Variants in PKHD1 observed in about 807,000 individuals in gnomAD.
PKHD1 encodes the protein fibrocystin.
In PKHD1, 291 loss-of-function variants were observed where a neutral mutation model predicts 412.0. The ratio of observed to expected loss-of-function variants is 0.71; its 90% CI spans 0.64 to 0.78. The LOEUF (loss-of-function observed/expected upper bound fraction) is 0.78. PKHD1 is among the 30% of genes least tolerant of loss of function. PKHD1 has a pLI of 0.00. For missense variants in PKHD1, 4,825 were observed against 4,950.7 expected (o/e 0.97, Z 0.76); for synonymous variants, 1,777 against 1,821.5 (o/e 0.98, Z 0.62).
intron 35 of PKHD1, among the ~76,000 whole-genome samples, chr6:52,006,436 G>A (rs892852308): frequency 2.6e-5 from 4 of 152,014 alleles, no homozygotes; most frequent in East Asian, 1.9e-4. Context: ...GAGCACATTC[G>A]CAAAATCCTG....
chr6:51,815,910 T>C (rs1765385604), intron 52 of PKHD1, among the ~76,000 whole-genome samples: 1 of 152,222 alleles, frequency 6.6e-6, no homozygotes, highest in East Asian at 1.9e-4. Context: ...CACTTGGTTG[T>C]TAAATCTTTT....
chr6:51,993,395 CACTTG>C (rs1489588899), intron 35 of PKHD1, among the ~76,000 whole-genome samples: 2 of 152,356 alleles, frequency 1.3e-5, no homozygotes, highest in Admixed American at 1.3e-4. Context: ...AGGTACCGAA[CACTTG>C]AACTTTTACT....
chr6:51,750,787 T>A (rs1296886909), intron 57 of PKHD1, among the ~76,000 whole-genome samples: 1 of 142,094 alleles, frequency 7.0e-6, no homozygotes, highest in Non-Finnish European at 1.5e-5. Context: ...AATTAAGCAA[T>A]TTTTTTTGAG....
intron 66 of PKHD1, among the ~76,000 whole-genome samples, chr6:51,620,672 T>C (rs919409600): frequency 6.6e-6 from 1 of 151,662 alleles, no homozygotes; most frequent in African/African-American, 2.4e-5. Context: ...GAGATAGTAA[T>C]CCTGTCTGAT....
intron 35 of PKHD1, among the ~76,000 whole-genome samples, chr6:51,971,878 G>A (rs1051744868): frequency 6.6e-6 from 1 of 151,990 alleles, no homozygotes; most frequent in African/African-American, 2.4e-5. Context: ...CTACAGGCAT[G>A]CACCACCACA....
At chr6:52,044,640 A>G (rs1805486838) in intron 25 of PKHD1, among the ~76,000 whole-genome samples, 1 of 152,240 alleles carries the variant, frequency 6.6e-6, no homozygotes, top group South Asian at 2.1e-4. Context: ...TTTTAAAGAC[A>G]AAAAGAATGA....
Position 52,024,827 on chromosome 6 carries a change from G to C in PKHD1, c.4983C>G (p.Ile1661Met), listed in dbSNP as rs141853505. 1 of 1,614,208 alleles carries C rather than the reference G, an allele frequency of 6.2e-7. No homozygotes were observed. The highest frequency in any genetic ancestry group is 1.1e-5 in the South Asian group (1 of 91,084). The change falls in exon 32 of 67, where the codon ATC (isoleucine) becomes ATG (methionine). Residue 1661 changes from isoleucine (I) to methionine (M), a missense_variant. Physicochemically the swap from Ile to Met is conservative, Grantham distance 10. Transcript: ENST00000371117. ...GYNKAFTPEL[I>M]SISQSDDILT... ...AGATGTCATCGCTCTGAGAAATAGA[G>C]ATCAATTCTGGGGTAAAGGCCTTGT...
chr6:51,709,943 T>G (rs1450803957), intron 60 of PKHD1, among the ~76,000 whole-genome samples: 1 of 151,608 alleles, frequency 6.6e-6, no homozygotes, highest in African/African-American at 2.4e-5. Context: ...GCACGGTGGC[T>G]CATGCCTGTA....
chr6:51,861,404 C>T (rs1195433066), intron 48 of PKHD1, among the ~76,000 whole-genome samples: 1 of 152,202 alleles, frequency 6.6e-6, no homozygotes, highest in Non-Finnish European at 1.5e-5. Context: ...TCTAAATGCT[C>T]TTGATTTGGA....
chr6:51,671,353 T>G (rs1774938193), intron 60 of PKHD1, among the ~76,000 whole-genome samples: 2 of 152,228 alleles, frequency 1.3e-5, no homozygotes, highest in African/African-American at 4.8e-5. Flanking sequence ...CTCCTGAGGG[T>G]TCCGCATTCT....
chr6:51,771,039 C>T (rs1037382401), intron 55 of PKHD1, among the ~76,000 whole-genome samples: 16 of 152,086 alleles, frequency 1.1e-4, no homozygotes, highest in African/African-American at 3.4e-4. Context: ...CCAGTTCTTC[C>T]GTACTTTACA....
intron 60 of PKHD1, among the ~76,000 whole-genome samples, chr6:51,691,579 C>G (rs1405674000): frequency 2.0e-5 from 3 of 152,122 alleles, no homozygotes; most frequent in Non-Finnish European, 2.9e-5. Context: ...ACTGCATGTT[C>G]TCACTTATAA....
At position 51,753,258 on chromosome 6, in the gene PKHD1, A is replaced by G. The variant is rs770068023; in HGVS notation, c.8893T>C (p.Cys2965Arg). 4 of 1,613,790 alleles carry G rather than the reference A, an allele frequency of 2.5e-6. No individual in the cohort carries two copies. Among genetic ancestry groups the G allele is most frequent in the South Asian group, 2.2e-5 (2 of 91,084 alleles). ...GACCCCACAAACAGTCTCCCCCTAC[A>G]TGATACGTCAGGCTGAATTTGTATA... is the stretch of plus-strand genomic sequence containing the variant. ...RNIQIQPDVSCRGRLFVGSFR... is the reference protein window; with the variant it reads ...RNIQIQPDVSRRGRLFVGSFR... The change falls in exon 57 of 67, where the codon TGT becomes CGT. Residue 2965 changes from cysteine (C) to arginine (R), a missense_variant. Cys to Arg is a radical substitution (Grantham distance 180, BLOSUM62 -3). Coordinates refer to ENST00000371117, the MANE Select transcript of PKHD1 (RefSeq NM_138694.4).
intron 36 of PKHD1, among the ~76,000 whole-genome samples, chr6:51,937,322 C>A (rs948186829): frequency 1.3e-5 from 2 of 152,182 alleles, no homozygotes; most frequent in Non-Finnish European, 2.9e-5. Context: ...ACATATAAAA[C>A]CAAGCTGTAG....
Position 52,035,662 on chromosome 6 carries a change from C to T in PKHD1, c.3157G>A (p.Gly1053Arg), listed in dbSNP as rs1322231013. The change falls in exon 28 of 67, where the codon GGA becomes AGA. Residue 1053 changes from glycine to arginine, a missense_variant. Coordinates refer to ENST00000371117, the MANE Select transcript of PKHD1 (RefSeq NM_138694.4). ...SLEGVSLILF[G>R]SYSCAINVAT... ...ACATTGATGGCACACGAGTAAGATC[C>T]AAATAATATCAGGCTAACACCTTCC... 6.2e-7 allele frequency: 1 copy of T among 1,613,744 alleles called. No homozygotes were observed. Among genetic ancestry groups the T allele is most frequent in the South Asian group, 1.1e-5 (1 of 91,080 alleles).
At chr6:51,990,216 TG>T (rs1796881215) in intron 35 of PKHD1, among the ~76,000 whole-genome samples, 1 of 151,828 alleles carries the variant, frequency 6.6e-6, no homozygotes, top group African/African-American at 2.4e-5. Flanking sequence ...AAAAAATCAT[TG>T]GGAAGGCACT....
chr6:51,847,707 G>A, intron 50 of PKHD1, 68 bp downstream of exon 50: 2 of 1,123,372 alleles, frequency 1.8e-6, no homozygotes, highest in South Asian at 2.5e-5. Context: ...ACAAATGTCT[G>A]GAATTGAAGG....
At chr6:51,681,446 T>C (rs1331103199) in intron 60 of PKHD1, among the ~76,000 whole-genome samples, 1 of 152,084 alleles carries the variant, frequency 6.6e-6, no homozygotes, top group Non-Finnish European at 1.5e-5. Flanking sequence ...AAAGTCTGTT[T>C]TTCTGAGTTA....
chr6:51,708,306 A>C (rs570877389), intron 60 of PKHD1, among the ~76,000 whole-genome samples: 1 of 152,290 alleles, frequency 6.6e-6, no homozygotes, highest in East Asian at 1.9e-4. Flanking sequence ...ACTGGAATCC[A>C]TGTATTTCTC....
Sources: allele counts gnomAD v4.1 joint callset (sites outside exome capture counted in the v4.1 genomes callset), GRCh38; gene constraint gnomAD v4.1.1; transcripts MANE v1.5; gene names NCBI Gene and HGNC (gene_info 2026-07-23, HGNC 2026-07-21).